The following VOPP1 variants were observed in gnomAD, a reference collection of about 807,000 sequenced individuals.
The protein encoded by VOPP1 is VOPP1 WW domain binding protein, also known as WW domain binding protein VOPP1.
VOPP1 carries 8 observed loss-of-function variants against 23.5 expected under a neutral mutation model. The observed-to-expected ratio is 0.34, with a 90% CI of 0.20 to 0.61. VOPP1 has a LOEUF of 0.61. Ranked by LOEUF, VOPP1 falls within the 20% of genes least tolerant of loss-of-function variation. VOPP1 has a pLI of 0.78. For missense variants in VOPP1, 174 were observed against 238.1 expected, an observed-to-expected ratio of 0.73 and a Z score of 1.77; for synonymous variants, 83 against 97.3, an observed-to-expected ratio of 0.85 and a Z score of 0.86.
chr7:55,500,257 C>T (rs1204985839), intron 2 of VOPP1, among the ~76,000 whole-genome samples: 1 of 152,184 alleles, frequency 6.6e-6, no homozygotes, highest in Non-Finnish European at 1.5e-5. Flanking sequence ...GAACATTCAA[C>T]GAGATGGTGT....
chr7:55,450,581 A>G (rs1791218798), intron 4 of VOPP1, among the ~76,000 whole-genome samples: 1 of 152,276 alleles, frequency 6.6e-6, no homozygotes, highest in Non-Finnish European at 1.5e-5. Flanking sequence ...TTGATATATT[A>G]GGCTGAATAT....
intron 1 of VOPP1, among the ~76,000 whole-genome samples, chr7:55,532,347 G>GT (rs1562601125): frequency 6.6e-6 from 1 of 152,200 alleles, no homozygotes; most frequent in African/African-American, 2.4e-5. Context: ...CTGGAGAGAG[G>GT]TATTTCTGTC....
At chr7:55,492,092 G>A (rs191390037) in intron 4 of VOPP1, among the ~76,000 whole-genome samples, 190 bp downstream of exon 4, 10 of 152,294 alleles carry the variant, frequency 6.6e-5, no homozygotes, top group Admixed American at 4.6e-4. Context: ...ATGAGGTGAC[G>A]GGCGTGCGAT....
At chr7:55,570,808 G>C (rs557819104) in intron 1 of VOPP1, among the ~76,000 whole-genome samples, 55 of 152,184 alleles carry the variant, frequency 3.6e-4, no homozygotes, top group Non-Finnish European at 7.1e-4. Flanking sequence ...CGGGCATAGT[G>C]GTGGGCGCCT....
At chr7:55,448,173 T>A (rs1431696532) in intron 4 of VOPP1, among the ~76,000 whole-genome samples, 2 of 152,194 alleles carry the variant, frequency 1.3e-5, no homozygotes, top group Non-Finnish European at 2.9e-5. Context: ...AGTATTTTAC[T>A]CTGAGGAAAT....
intron 1 of VOPP1, among the ~76,000 whole-genome samples, chr7:55,531,102 C>A (rs1197084489): frequency 6.6e-6 from 1 of 152,316 alleles, no homozygotes; most frequent in African/African-American, 2.4e-5. Context: ...GAATATAAGG[C>A]CTGCAGCCAA....
intron 1 of VOPP1, among the ~76,000 whole-genome samples, chr7:55,562,416 C>T (rs950341550): frequency 6.6e-6 from 1 of 152,198 alleles, no homozygotes; most frequent in South Asian, 2.1e-4. Context: ...CTCTCAAGTA[C>T]CAATCTAAGG....
At chr7:55,549,228 A>T (rs1012833684) in intron 1 of VOPP1, among the ~76,000 whole-genome samples, 1 of 152,222 alleles carries the variant, frequency 6.6e-6, no homozygotes, top group African/African-American at 2.4e-5. Context: ...CACTGAAAGC[A>T]TCCAAGGGCC....
At chr7:55,488,417 G>A (rs1793304603) in intron 4 of VOPP1, among the ~76,000 whole-genome samples, 1 of 152,116 alleles carries the variant, frequency 6.6e-6, no homozygotes, top group Non-Finnish European at 1.5e-5. Context: ...CAGCCTTTGG[G>A]TCCTGGTTCC....
intron 2 of VOPP1, among the ~76,000 whole-genome samples, chr7:55,519,065 G>C (rs551490744): frequency 1.3e-5 from 2 of 152,150 alleles, no homozygotes; most frequent in African/African-American, 4.8e-5. Flanking sequence ...CTTAATTTAC[G>C]TACAGGGCAC....
intron 3 of VOPP1, 94 bp from the exon 4 acceptor site, chr7:55,492,512 TCCGGGACCAATGACTCCCAAATG>T: frequency 7.1e-7 from 1 of 1,402,758 alleles, no homozygotes. Flanking sequence ...TCCTCGGGGG[TCCGGGACCAATGACTCCCAAATG>T]CACGAGTCAG....
intron 2 of VOPP1, among the ~76,000 whole-genome samples, chr7:55,516,905 C>CATATATATATATATAT (rs1214913971): frequency 2.5e-4 from 11 of 43,172 alleles, no homozygotes; most frequent in African/African-American, 8.4e-4. Context: ...AGATCCATTA[C>CATATATATATATATAT]ATATATATAT....
At chr7:55,540,215 C>T (rs1452415332) in intron 1 of VOPP1, among the ~76,000 whole-genome samples, 1 of 151,836 alleles carries the variant, frequency 6.6e-6, no homozygotes, top group Non-Finnish European at 1.5e-5. Flanking sequence ...CTGGCCAACA[C>T]AGTGAAACCC....
At chr7:55,551,313 T>A (rs1797596823) in intron 1 of VOPP1, among the ~76,000 whole-genome samples, 1 of 152,162 alleles carries the variant, frequency 6.6e-6, no homozygotes, top group African/African-American at 2.4e-5. Flanking sequence ...ATCAAAGCAA[T>A]GTCCTGGAAT....
intron 1 of VOPP1, among the ~76,000 whole-genome samples, chr7:55,547,433 G>A (rs1319553564): frequency 6.6e-6 from 1 of 152,202 alleles, no homozygotes; most frequent in East Asian, 1.9e-4. Context: ...TGACATGTAA[G>A]TACAGGAATC....
intron 4 of VOPP1, among the ~76,000 whole-genome samples, chr7:55,445,778 C>T (rs1203030336): frequency 6.6e-6 from 1 of 152,156 alleles, no homozygotes; most frequent in Non-Finnish European, 1.5e-5. Flanking sequence ...ATGGTAGCCA[C>T]TAGCCACATA....
intron 4 of VOPP1, among the ~76,000 whole-genome samples, chr7:55,485,215 G>A (rs996143914): frequency 1.2e-4 from 19 of 152,114 alleles, no homozygotes; most frequent in African/African-American, 4.1e-4. Flanking sequence ...CATCACGTGC[G>A]CAGGTCTCAC....
chr7:55,494,207 G>T (rs954735211), intron 3 of VOPP1, among the ~76,000 whole-genome samples: 1 of 152,316 alleles, frequency 6.6e-6, no homozygotes, highest in South Asian at 2.1e-4. Context: ...TTCCCAAAGG[G>T]AACGGCTTCC....
At chr7:55,462,786 G>C (rs1459024682) in intron 4 of VOPP1, among the ~76,000 whole-genome samples, 4 of 149,696 alleles carry the variant, frequency 2.7e-5, no homozygotes, top group Non-Finnish European at 1.5e-5. Context: ...CTCCCAAGTA[G>C]CTGGGACTAC....
Sources: gnomAD v4.1 joint callset for allele counts (sites outside exome capture counted in the v4.1 genomes callset) on GRCh38, gnomAD v4.1.1 for gene constraint, MANE v1.5 for transcripts, NCBI Gene and HGNC (gene_info 2026-07-23, HGNC 2026-07-21) for gene names.